Variants in GTF3C1 observed in about 807,000 individuals in gnomAD.
GTF3C1 encodes the protein general transcription factor IIIC subunit 1, also known as general transcription factor 3C polypeptide 1.
GTF3C1 carries 57 observed loss-of-function variants against 226.7 expected under a neutral mutation model. That is an observed-to-expected ratio of 0.25 (90% CI 0.20 to 0.31). The LOEUF (loss-of-function observed/expected upper bound fraction) is 0.31, where lower values mean the gene tolerates loss of function less well. Among genes scored for constraint, GTF3C1 ranks in the 10% least tolerant of loss-of-function variants. GTF3C1 has a pLI of 1.00. For missense variants in GTF3C1, 2,217 were observed against 2,776.1 expected (o/e 0.80, Z 4.53); for synonymous variants, 1,090 against 1,084.8 (o/e 1.00, Z -0.09).
chr16:27,549,631 G>GGCCCCCCCCCCCCCC, intron 1 of GTF3C1, 39 bp downstream of exon 1: 16 of 691,934 alleles, frequency 2.3e-5, no homozygotes, highest in East Asian at 3.1e-5. Flanking sequence ...CGGGCCCTGC[G>GGCCCCCCCCCCCCCC]CCCGCCCGCC....
chr16:27,491,401 T>G (rs1175567275), intron 19 of GTF3C1, among the ~76,000 whole-genome samples: 1 of 152,192 alleles, frequency 6.6e-6, no homozygotes, highest in Non-Finnish European at 1.5e-5. Context: ...CTCCATGCAT[T>G]TGATCCACAT....
chr16:27,531,676 T>A (rs866434776), intron 5 of GTF3C1, among the ~76,000 whole-genome samples: 3 of 152,232 alleles, frequency 2.0e-5, no homozygotes, highest in South Asian at 4.1e-4. Context: ...CAGTCAAGGC[T>A]TGCTGCTAAC....
intron 4 of GTF3C1, among the ~76,000 whole-genome samples, chr16:27,537,288 T>C (rs896925216): frequency 6.6e-6 from 1 of 152,250 alleles, no homozygotes; most frequent in East Asian, 1.9e-4. Flanking sequence ...GCTACAGATT[T>C]ATTTTTCCTT....
chr16:27,539,748 TC>T (rs1403288279), intron 2 of GTF3C1, among the ~76,000 whole-genome samples: 6 of 152,216 alleles, frequency 3.9e-5, no homozygotes, highest in African/African-American at 1.4e-4. Context: ...TGTTCTGCCC[TC>T]TTGAATACAT....
At chr16:27,493,348 C>A in intron 16 of GTF3C1, 52 bp from the exon 17 acceptor site, 2 of 910,668 alleles carry the variant, frequency 2.2e-6, no homozygotes, top group Non-Finnish European at 3.7e-6. Context: ...GGGCGACCTG[C>A]AAGAATCTTG....
At chr16:27,543,123 C>T (rs1180825670) in intron 2 of GTF3C1, among the ~76,000 whole-genome samples, 4 of 152,156 alleles carry the variant, frequency 2.6e-5, no homozygotes, top group East Asian at 1.9e-4. Context: ...TGGTGGCTCA[C>T]GCCTGTAATC....
At position 27,549,823 on chromosome 16, in the gene GTF3C1, G is replaced by C; in HGVS notation, c.68C>G (p.Ala23Gly). 1 of 1,613,062 alleles carries C rather than the reference G, an allele frequency of 6.2e-7. No individual in the cohort carries two copies. The highest frequency in any genetic ancestry group is 8.5e-7 in the Non-Finnish European group (1 of 1,179,876). ...LEGLDGLCLP[A>G]LWSRLETRVP... The stretch of plus-strand genomic sequence containing the variant: ...TCGCGTCTCCAGCCGGCTCCACAGC[G>C]CTGGCAGACACAGGCCATCGAGCCC... The change falls in exon 1 of 37, where the codon GCG (alanine) becomes GGG (glycine). Residue 23 changes from alanine to glycine, a missense_variant. Physicochemically the swap from Ala to Gly is moderately conservative, Grantham distance 60 (BLOSUM62 0). Coordinates refer to ENST00000356183, the MANE Select transcript of GTF3C1 (RefSeq NM_001520.4).
intron 1 of GTF3C1, 39 bp downstream of exon 1, chr16:27,549,631 G>GGCCCCCCCCCCCCCCCCCCCCCC: frequency 2.9e-6 from 2 of 691,952 alleles, no homozygotes; most frequent in Non-Finnish European, 4.9e-6. Flanking sequence ...CGGGCCCTGC[G>GGCCCCCCCCCCCCCCCCCCCCCC]CCCGCCCGCC....
At position 27,549,883 on chromosome 16, in the gene GTF3C1, G is replaced by A. The variant is rs770551976; in HGVS notation, c.8C>T (p.Ala3Val). Residue 3 changes from alanine to valine, a missense_variant, in exon 1 of 37, where the codon GCG (alanine) becomes GTG (valine). By Grantham distance (64) the Ala-to-Val change is moderately conservative (BLOSUM62 0). Coordinates refer to ENST00000356183, the MANE Select transcript of GTF3C1 (RefSeq NM_001520.4). MD[A>V]LESLLDEVAL... Reference sequence around the variant, plus strand: ...GACTTCGTCCAACAACGACTCCAGCGCGTCCATTGCTACTTCAGTCGGCGG... The same window carrying A: ...GACTTCGTCCAACAACGACTCCAGCACGTCCATTGCTACTTCAGTCGGCGG... 7.5e-6 allele frequency: 12 copies of A among 1,610,662 alleles called. No homozygotes were observed. Among genetic ancestry groups the A allele is most frequent in the Admixed American group, 1.7e-5 (1 of 59,958 alleles).
At chr16:27,493,914 A>T (rs2088270698) in intron 16 of GTF3C1, among the ~76,000 whole-genome samples, 1 of 151,566 alleles carries the variant, frequency 6.6e-6, no homozygotes, top group Non-Finnish European at 1.5e-5. Flanking sequence ...AAAAGAGTGA[A>T]TATAGTTTCA....
chr16:27,495,583 G>T, intron 14 of GTF3C1, 91 bp from the exon 15 acceptor site: 1 of 1,176,364 alleles, frequency 8.5e-7, no homozygotes. Context: ...GCCACTATGT[G>T]CCAGGGGCCA....
At chr16:27,503,031 C>T in intron 10 of GTF3C1, 36 bp from the exon 11 acceptor site, 2 of 1,585,540 alleles carry the variant, frequency 1.3e-6, no homozygotes, top group Non-Finnish European at 1.7e-6. Context: ...ATGCAATGGG[C>T]TCGGCAAGGC....
At chr16:27,495,612 T>C (rs1359300420) in intron 14 of GTF3C1, 120 bp from the exon 15 acceptor site, 2 of 873,174 alleles carry the variant, frequency 2.3e-6, no homozygotes, top group African/African-American at 1.7e-5. Flanking sequence ...GCAAATATTC[T>C]TACTGTCTTA....
At position 27,528,660 on chromosome 16, in the gene GTF3C1, T is replaced by A. The variant is rs765989279; in HGVS notation, c.911A>T (p.Lys304Met). Reference sequence around the variant, plus strand: ...CTCTTGCAAGCGAAGAGACACCACCTTGGCTAGCCCGGCGTTCAGCATATA... The same window carrying A: ...CTCTTGCAAGCGAAGAGACACCACCATGGCTAGCCCGGCGTTCAGCATATA... ...YQYMLNAGLA[K>M]VVSLRLQEIH... The change falls in exon 6 of 37, where the codon AAG (lysine) becomes ATG (methionine). Residue 304 changes from lysine to methionine, a missense_variant. Around this residue, in one of 12 missense-constraint regions of GTF3C1, gnomAD observed 163 missense variants for 234.3 expected, o/e 0.70. Transcript: ENST00000356183. The A allele has an allele frequency of 1.9e-6, 3 of 1,612,588 alleles. No homozygotes were observed. In the Admixed American group the frequency reaches 5.0e-5, roughly 27 times the overall value.
rs2088243168 is a variant in GTF3C1 at position 27,492,216 on chromosome 16, G to A, written c.3151+122C>T. The A allele has an allele frequency of 1.5e-6, 1 of 655,910 alleles. No individual in the cohort carries two copies. The highest frequency in any genetic ancestry group is 2.7e-6 in the Non-Finnish European group (1 of 371,252). The allele number at this position is 655,910 out of a possible 1,614,324, so 40.6% of individuals were successfully genotyped here. ...AGCCCCAGGGGTGCTCTGGGCCTCT[G>A]GGGAGCACTCGGAACATACCACTGG... is the stretch of plus-strand genomic sequence containing the variant. On this transcript the variant is annotated intron_variant, in intron 19 of 36. Coordinates refer to ENST00000356183, the MANE Select transcript of GTF3C1 (RefSeq NM_001520.4). This position sits in a 1 kb window ranked among gnomAD's most constrained non-coding sequence, Gnocchi z 5.0.
In GTF3C1 at chr16:27,486,115, T is replaced by C. The variant is rs1220157878; in HGVS notation, c.3740A>G (p.His1247Arg). 1.9e-6 allele frequency: 3 copies of C among 1,608,240 alleles called. No homozygotes were observed. Among genetic ancestry groups the C allele is most frequent in the East Asian group, 2.2e-5 (1 of 44,794 alleles). ...CAGGGCACTCTGGTCGGCTTCATCA[T>C]GGTAGCGCAGCCTTTTGCTTTTTTC... The part of the protein sequence containing the change: ...PGEKSKRLRY[H>R]DEADQSALQR... Residue 1247 changes from histidine to arginine, a missense_variant, in exon 24 of 37, where the codon CAT becomes CGT. Around this residue, in one of 12 missense-constraint regions of GTF3C1, gnomAD observed 546 missense variants for 663.0 expected, o/e 0.82. Coordinates refer to ENST00000356183, the MANE Select transcript of GTF3C1 (RefSeq NM_001520.4).
Position 27,464,436 on chromosome 16 carries a change from G to A in GTF3C1, c.5756C>T (p.Thr1919Ile), listed in dbSNP as rs1430121934. 1 of 1,603,462 alleles carries A rather than the reference G, an allele frequency of 6.2e-7. No individual in the cohort carries two copies. The highest frequency in any genetic ancestry group is 1.3e-5 in the African/African-American group (1 of 74,498). Residue 1919 changes from threonine to isoleucine, a missense_variant, in exon 34 of 37, where the codon ACC (threonine) becomes ATC (isoleucine). Coordinates refer to ENST00000356183, the MANE Select transcript of GTF3C1 (RefSeq NM_001520.4). ...TTCCTGTGCTGCTCCCGCTGCAGCG[G>A]TGTCTTCAAGAGCTGGGGGTGGAGA... ...APSPPPALED[T>I]AAAGAAQEDQ...
chr16:27,504,565 T>C (rs1183542660), intron 10 of GTF3C1, among the ~76,000 whole-genome samples: 2 of 152,188 alleles, frequency 1.3e-5, no homozygotes, highest in Non-Finnish European at 2.9e-5. Flanking sequence ...TACTCCATCC[T>C]AGGGGCCTCG....
intron 9 of GTF3C1, 151 bp from the exon 10 acceptor site, chr16:27,506,267 T>C (rs2141402336): frequency 1.7e-6 from 1 of 600,824 alleles, no homozygotes; most frequent in African/African-American, 1.9e-5. Flanking sequence ...CTTGGGCCCC[T>C]CCTTCTGGCC....
Sources: allele counts gnomAD v4.1 joint callset (sites outside exome capture counted in the v4.1 genomes callset), GRCh38; gene constraint gnomAD v4.1.1; regional missense constraint gnomAD v4.1.1; non-coding constraint Gnocchi (gnomAD v3.1); transcripts MANE v1.5; gene names NCBI Gene and HGNC (gene_info 2026-07-23, HGNC 2026-07-21).